PGS1: variants seen among roughly 807,000 people sequenced by gnomAD.
PGS1 encodes CDP-diacylglycerol--glycerol-3-phosphate 3-phosphatidyltransferase, mitochondrial.
A neutral mutation model predicts 58.3 loss-of-function variants in PGS1; 44 were observed. The observed-to-expected ratio is 0.75, with a 90% CI of 0.59 to 0.97. The LOEUF (loss-of-function observed/expected upper bound fraction) is 0.97, where lower values mean the gene tolerates loss of function less well. Ranked by LOEUF, PGS1 falls within the 50% of genes least tolerant of loss-of-function variation. PGS1 has a pLI of 0.00. For synonymous variants in PGS1, 330 were observed against 311.0 expected (o/e 1.06, Z -0.64); for missense variants, 684 against 731.1 (o/e 0.94, Z 0.74).
At chr17:78,382,222 C>T (rs1488220585) in intron 1 of PGS1, among the ~76,000 whole-genome samples, 7 of 151,966 alleles carry the variant, frequency 4.6e-5, no homozygotes, top group Admixed American at 3.3e-4. Flanking sequence ...ACTAGGGGTA[C>T]CGAGTAGGGG....
chr17:78,389,376 AG>A (rs1003531033), intron 1 of PGS1, among the ~76,000 whole-genome samples: 1 of 151,822 alleles, frequency 6.6e-6, no homozygotes, highest in Non-Finnish European at 1.5e-5. Context: ...TTAGAGAGAC[AG>A]GGTTTCACCA....
chr17:78,381,737 C>A (rs994867511), intron 1 of PGS1, among the ~76,000 whole-genome samples: 14 of 152,246 alleles, frequency 9.2e-5, no homozygotes, highest in African/African-American at 3.1e-4. Context: ...AGGGGACGTT[C>A]CTTTTACTGC....
At chr17:78,398,180 G>A in intron 3 of PGS1, 72 bp from the exon 4 acceptor site, 1 of 1,101,348 alleles carries the variant, frequency 9.1e-7, no homozygotes, top group Non-Finnish European at 1.4e-6. Flanking sequence ...AGCCGATGGG[G>A]CGATTTGTTT....
intron 8 of PGS1, among the ~76,000 whole-genome samples, chr17:78,419,304 C>T (rs2085479954): frequency 6.6e-6 from 1 of 152,246 alleles, no homozygotes; most frequent in Non-Finnish European, 1.5e-5. Flanking sequence ...AGCCACTGTG[C>T]CCAGCCCTTA....
rs2083626792 is a variant in PGS1, at chr17:78,401,154, G to A, written c.880+299G>A. ...ACGCAGGTGAGGAGGACTCAGGCAA[G>A]GGTATGCAGCAGCGTGTCCTAGTGA... On this transcript the variant is annotated intron_variant, in intron 6 of 9. Coordinates refer to ENST00000262764, the MANE Select transcript of PGS1 (RefSeq NM_024419.5). Among the ~76,000 whole-genome samples, 6 of 152,246 alleles carry A rather than the reference G, an allele frequency of 3.9e-5. No homozygotes were observed. In the South Asian group the frequency reaches 8.3e-4, roughly 21 times the overall value.
Position 78,400,566 on chromosome 17 carries a change from T to G in PGS1, c.702-111T>G. ...GAGTAGCTATTTGTTAACTGCATCT[T>G]GACCTGAGTTTGTCACCCCCCTGCT... is the stretch of plus-strand genomic sequence containing the variant. On this transcript the variant is annotated intron_variant, in intron 5 of 9. Coordinates refer to ENST00000262764, the MANE Select transcript of PGS1 (RefSeq NM_024419.5). This position sits in a 1 kb window ranked among gnomAD's most constrained non-coding sequence, Gnocchi z 4.4. 1.2e-6 allele frequency: 1 copy of G among 832,206 alleles called. No homozygotes were observed. Among genetic ancestry groups the G allele is most frequent in the Non-Finnish European group, 2.0e-6 (1 of 500,788 alleles). 51.6% of individuals were successfully genotyped at this position (832,206 alleles called of 1,614,324 possible).
intron 1 of PGS1, among the ~76,000 whole-genome samples, chr17:78,391,546 C>T (rs1236369034): frequency 6.6e-6 from 1 of 152,092 alleles, no homozygotes; most frequent in Admixed American, 6.5e-5. Flanking sequence ...GGTGCGATCT[C>T]GCCTCACTGC....
At chr17:78,381,334 T>C (rs1214585993) in intron 1 of PGS1, among the ~76,000 whole-genome samples, 10 of 152,208 alleles carry the variant, frequency 6.6e-5, no homozygotes, top group Admixed American at 6.5e-4. Context: ...TCTTGGGCAT[T>C]AAGACAGAAG....
Position 78,392,363 on chromosome 17 carries a change from A to G in PGS1, c.144-113A>G, listed in dbSNP as rs557466802. The stretch of plus-strand genomic sequence containing the variant: ...CTAGAAAATCTGACATTCATAACAC[A>G]AGCAACGCACCCATCTCCCAGCCCC... On this transcript the variant is annotated intron_variant, in intron 1 of 9. Transcript: ENST00000262764. The G allele has an allele frequency of 7.8e-5, 51 of 649,682 alleles. No homozygotes were observed. The African/African-American group carries it at 9.0e-4, about 11-fold the overall frequency. The allele number at this position is 649,682 out of a possible 1,614,324, so 40.2% of individuals were successfully genotyped here.
intron 7 of PGS1, among the ~76,000 whole-genome samples, chr17:78,411,343 C>T (rs1441748141): frequency 6.6e-6 from 1 of 152,200 alleles, no homozygotes; most frequent in Non-Finnish European, 1.5e-5. Context: ...TTCCGCAGGG[C>T]AGTATGACTG....
intron 8 of PGS1, among the ~76,000 whole-genome samples, chr17:78,419,101 C>T (rs996013478): frequency 2.6e-5 from 4 of 152,050 alleles, no homozygotes; most frequent in East Asian, 3.9e-4. Flanking sequence ...TTTGACCTCC[C>T]GGGCTGAAAC....
intron 2 of PGS1, among the ~76,000 whole-genome samples, chr17:78,393,544 A>G (rs892402625): frequency 2.0e-5 from 3 of 152,212 alleles, no homozygotes; most frequent in South Asian, 2.1e-4. Context: ...CCCGGGAATC[A>G]TCTCCAAACA....
intron 1 of PGS1, among the ~76,000 whole-genome samples, chr17:78,388,490 C>T (rs1031574210): frequency 2.7e-5 from 4 of 150,920 alleles, no homozygotes; most frequent in Non-Finnish European, 4.4e-5. Context: ...CATGCCTCCA[C>T]GCCTGGCTAA....
rs1475528618 is a variant in PGS1, at chr17:78,399,451, G to C, written c.615G>C (p.Arg205=). 6.2e-7 allele frequency: 1 copy of C among 1,614,142 alleles called. No individual in the cohort carries two copies. The highest frequency in any genetic ancestry group is 8.5e-7 in the Non-Finnish European group (1 of 1,180,020). The change falls in exon 5 of 10, where the codon CGG becomes CGC. Residue 205 remains arginine, a synonymous_variant. Coordinates refer to ENST00000262764, the MANE Select transcript of PGS1 (RefSeq NM_024419.5). The part of the protein sequence containing the change: ...FHTPHLRGLL[R]LLIPERFNET... ...CGCCGCACCTCCGTGGGCTGCTTCG[G>C]CTCCTCATCCCTGAGCGCTTCAACG...
At chr17:78,417,883 G>A (rs2085336199) in intron 8 of PGS1, among the ~76,000 whole-genome samples, 1 of 150,806 alleles carries the variant, frequency 6.6e-6, no homozygotes, top group South Asian at 2.1e-4. Flanking sequence ...TACAAGAGAA[G>A]CTTTTCAAAG....
chr17:78,387,566 T>G (rs2082497357), intron 1 of PGS1, among the ~76,000 whole-genome samples: 3 of 150,408 alleles, frequency 2.0e-5, no homozygotes, highest in Non-Finnish European at 4.4e-5. Context: ...CCCAAAGTGT[T>G]GGGATTACAG....
chr17:78,401,674 G>C, intron 6 of PGS1, among the ~76,000 whole-genome samples: 1 of 152,158 alleles, frequency 6.6e-6, no homozygotes, highest in Non-Finnish European at 1.5e-5. Flanking sequence ...CTGTCCTTGT[G>C]TCAGGGGAGC....
intron 6 of PGS1, among the ~76,000 whole-genome samples, chr17:78,402,891 T>G (rs934152928): frequency 1.3e-5 from 2 of 152,184 alleles, no homozygotes; most frequent in Admixed American, 6.5e-5. Context: ...ATCTTTCCCT[T>G]CAGTGTGTCT....
chr17:78,384,175 T>G (rs1215069530), intron 1 of PGS1, among the ~76,000 whole-genome samples: 25 of 152,232 alleles, frequency 1.6e-4, no homozygotes, highest in Non-Finnish European at 2.9e-5. Flanking sequence ...AGTCATCTAG[T>G]CAGCATGTAG....
Sources: gnomAD v4.1 joint callset for allele counts (sites outside exome capture counted in the v4.1 genomes callset) on GRCh38, gnomAD v4.1.1 for gene constraint, Gnocchi (gnomAD v3.1) non-coding constraint, MANE v1.5 for transcripts, NCBI Gene and HGNC (gene_info 2026-07-23, HGNC 2026-07-21) for gene names.